SPTBN1: variants seen among roughly 807,000 people sequenced by gnomAD.
SPTBN1 encodes spectrin beta chain, non-erythrocytic 1.
SPTBN1 carries 32 observed loss-of-function variants against 266.4 expected under a neutral mutation model. That is an observed-to-expected ratio of 0.12 (90% CI 0.09 to 0.16). The LOEUF is 0.16. SPTBN1 is among the 10% of genes least tolerant of loss of function. The probability of loss-of-function intolerance (pLI) is 1.00; values close to 1 mark genes in which losing one functional copy is unlikely to be tolerated. For synonymous variants in SPTBN1, 1,336 were observed against 1,162.2 expected, an observed-to-expected ratio of 1.15 and a Z score of -3.04; for missense variants, 2,296 against 3,067.1, an observed-to-expected ratio of 0.75 and a Z score of 5.94.
rs1558491020 is a variant in SPTBN1, at chr2:54,670,646, G to C, written c.*2077G>C. 1 of 398,528 alleles carries C rather than the reference G, an allele frequency of 2.5e-6. No individual in the cohort carries two copies. The highest frequency in any genetic ancestry group is 1.3e-4 in the South Asian group (1 of 7,848). The allele number at this position is 398,528 out of a possible 1,614,324, so 24.7% of individuals were successfully genotyped here. A position where few individuals can be genotyped will look rare whatever the true frequency, so the allele number is the denominator to read the frequency against. Reference sequence around the variant, plus strand: ...TGATTAATTACAGTCTTGTACTCTTGACAAAGCTGTGCAGATGGCAATAAG... The same window carrying C: ...TGATTAATTACAGTCTTGTACTCTTCACAAAGCTGTGCAGATGGCAATAAG... On this transcript the variant is annotated 3_prime_UTR_variant, in exon 36 of 36. Coordinates refer to ENST00000356805, the MANE Select transcript of SPTBN1 (RefSeq NM_003128.3).
At chr2:54,596,376 T>A (rs1676093840) in intron 2 of SPTBN1, among the ~76,000 whole-genome samples, 1 of 152,212 alleles carries the variant, frequency 6.6e-6, no homozygotes. Flanking sequence ...TCCTTCCAAC[T>A]TCATAAGCAT....
rs765890111 is a variant in SPTBN1, at chr2:54,558,813, C to G, written c.148+32247C>G. ...CAGAGGACGTCTAGTATCTCCGGGCCGCTGTCGCCGGCGTACACGGGGCAG... is the reference window on the plus strand; with the variant it reads ...CAGAGGACGTCTAGTATCTCCGGGCGGCTGTCGCCGGCGTACACGGGGCAG... On this transcript the variant is annotated intron_variant, in intron 2 of 35. Coordinates refer to ENST00000356805, the MANE Select transcript of SPTBN1 (RefSeq NM_003128.3). This position sits in a 1 kb window ranked among gnomAD's most constrained non-coding sequence, Gnocchi z 4.6. 3 of 1,613,816 alleles carry G rather than the reference C, an allele frequency of 1.9e-6. No homozygotes were observed. The highest frequency in any genetic ancestry group is 2.5e-6 in the Non-Finnish European group (3 of 1,179,838).
rs778278569 is a variant in SPTBN1 at position 54,670,488 on chromosome 2, G to C, written c.*1919G>C. 3.1e-5 allele frequency: 12 copies of C among 391,380 alleles called. No individual in the cohort carries two copies. Among genetic ancestry groups the C allele is most frequent in the Admixed American group, 8.9e-5 (2 of 22,504 alleles). 24.2% of individuals were successfully genotyped at this position (391,380 alleles called of 1,614,324 possible). On this transcript the variant is annotated 3_prime_UTR_variant, in exon 36 of 36. Transcript: ENST00000356805. The stretch of plus-strand genomic sequence containing the variant: ...TAACTCTCTTACCTCTAGGCAAACT[G>C]AGACCTCACCATCCTCTCCCCTGCT...
intron 1 of SPTBN1, among the ~76,000 whole-genome samples, chr2:54,485,817 G>C (rs1001062545): frequency 1.3e-5 from 2 of 151,158 alleles, no homozygotes; most frequent in Non-Finnish European, 3.0e-5. Context: ...CGTCGTCTGA[G>C]ATGTGGGGAG....
chr2:54,465,618 G>A (rs2103820054), intron 1 of SPTBN1, among the ~76,000 whole-genome samples: 1 of 114,492 alleles, frequency 8.7e-6, no homozygotes, highest in South Asian at 3.0e-4. Flanking sequence ...CATATATGAT[G>A]CATACATATC....
Position 54,649,003 on chromosome 2 carries a change from G to A in SPTBN1, c.5015G>A (p.Arg1672Gln), listed in dbSNP as rs952069934. The A allele has an allele frequency of 8.1e-6, 13 of 1,611,302 alleles. No homozygotes were observed. The highest frequency in any genetic ancestry group is 5.5e-5 in the South Asian group (5 of 90,714). Residue 1672 changes from arginine to glutamine, a missense_variant, in exon 25 of 36, where the codon CGG becomes CAG. This residue lies in a region of SPTBN1 where 644 missense variants were observed against 745.3 expected (regional missense o/e 0.86). Coordinates refer to ENST00000356805, the MANE Select transcript of SPTBN1 (RefSeq NM_003128.3). This position sits in a 1 kb window ranked among gnomAD's most constrained non-coding sequence, Gnocchi z 6.7. ...TTTTTCAGTGAGCGCATTAGCATGC[G>A]GCAGTCCAAAGTGGATAAACTGTAC... is the stretch of plus-strand genomic sequence containing the variant. ...SHPESERISMRQSKVDKLYAG... is the reference protein window; with the variant it reads ...SHPESERISMQQSKVDKLYAG...
intron 2 of SPTBN1, among the ~76,000 whole-genome samples, chr2:54,552,159 A>C (rs780663033): frequency 1.3e-5 from 2 of 152,196 alleles, no homozygotes; most frequent in Non-Finnish European, 1.5e-5. Context: ...TTCCACATGA[A>C]ACGCAACATC....
intron 2 of SPTBN1, among the ~76,000 whole-genome samples, chr2:54,592,373 T>C (rs1363825226): frequency 8.1e-6 from 1 of 123,522 alleles, no homozygotes; most frequent in East Asian, 2.0e-4. Context: ...TTTCATACTT[T>C]TTTTTTTCTT....
At chr2:54,654,217 A>G (rs1332624891) in intron 27 of SPTBN1, among the ~76,000 whole-genome samples, 1 of 152,156 alleles carries the variant, frequency 6.6e-6, no homozygotes, top group Non-Finnish European at 1.5e-5. Context: ...TTGCAATGAG[A>G]TGACTTTTCT....
At chr2:54,601,327 T>C (rs1315886382) in intron 3 of SPTBN1, among the ~76,000 whole-genome samples, 1 of 152,206 alleles carries the variant, frequency 6.6e-6, no homozygotes, top group Non-Finnish European at 1.5e-5. Context: ...TTAAAGCTCT[T>C]GTTCATCTGG....
At chr2:54,570,925 A>G (rs1260249338) in intron 2 of SPTBN1, among the ~76,000 whole-genome samples, 1 of 152,114 alleles carries the variant, frequency 6.6e-6, no homozygotes, top group East Asian at 1.9e-4. Flanking sequence ...TTGAGATGTG[A>G]ATAAAGTCTA....
chr2:54,530,609 G>C (rs1331626416), intron 2 of SPTBN1, among the ~76,000 whole-genome samples: 1 of 151,800 alleles, frequency 6.6e-6, no homozygotes, highest in Non-Finnish European at 1.5e-5. Flanking sequence ...TGCCCGCCTC[G>C]GCCTCCCAAA....
rs565299322 is a variant in SPTBN1 at position 54,526,460 on chromosome 2, C to T, written c.42C>T (p.Ile14=). 2 of 1,614,084 alleles carry T rather than the reference C, an allele frequency of 1.2e-6. No individual in the cohort carries two copies. The highest frequency in any genetic ancestry group is 2.7e-5 in the African/African-American group (2 of 74,930). The change falls in exon 2 of 36, where the codon ATC becomes ATT. Residue 14 remains isoleucine, a synonymous_variant. Coordinates refer to ENST00000356805, the MANE Select transcript of SPTBN1 (RefSeq NM_003128.3). ...CCACAGACTATGACAACATTGAGAT[C>T]CAGCAGCAGTACAGTGATGTCAACA... ...TVATDYDNIE[I]QQQYSDVNNR... is the part of the protein sequence containing the mutation.
chr2:54,612,226 C>T lies in SPTBN1; in HGVS notation c.366C>T (p.Phe122=). 1 of 1,613,942 alleles carries T rather than the reference C, an allele frequency of 6.2e-7. No homozygotes were observed. ...AGAATGTGGACAAGGCCCTTCAGTT[C>T]CTGAAGGAGCAGAGAGTCCATCTTG... ...CLENVDKALQ[F]LKEQRVHLEN... is the part of the protein sequence containing the mutation. The change falls in exon 4 of 36, where the codon TTC becomes TTT. Residue 122 remains phenylalanine, a synonymous_variant. Coordinates refer to ENST00000356805, the MANE Select transcript of SPTBN1 (RefSeq NM_003128.3).
At chr2:54,632,041 C>T (rs372437225) in intron 16 of SPTBN1, among the ~76,000 whole-genome samples, 106 of 148,110 alleles carry the variant, frequency 7.2e-4, no homozygotes, top group African/African-American at 2.5e-3. Flanking sequence ...CGTGCCACTG[C>T]ACTCCAGCCT....
chr2:54,617,124 A>C (rs1677660581), intron 5 of SPTBN1, among the ~76,000 whole-genome samples: 1 of 152,258 alleles, frequency 6.6e-6, no homozygotes, highest in African/African-American at 2.4e-5. Context: ...TAAATTTTTC[A>C]GGGAGGTACT....
At chr2:54,553,668 C>T (rs1672703456) in intron 2 of SPTBN1, among the ~76,000 whole-genome samples, 1 of 152,206 alleles carries the variant, frequency 6.6e-6, no homozygotes, top group Non-Finnish European at 1.5e-5. Context: ...CTGTCCCTCC[C>T]TGTTCCCATC....
In SPTBN1 at chr2:54,507,664, C is replaced by T. The variant is rs1049051265; in HGVS notation, c.-47-18708C>T. 2.0e-5 allele frequency among the ~76,000 whole-genome samples: 3 copies of T among 151,298 alleles called. No homozygotes were observed. The South Asian group carries it at 6.3e-4, about 32-fold the overall frequency. On this transcript the variant is annotated intron_variant, in intron 1 of 35. Coordinates refer to ENST00000356805, the MANE Select transcript of SPTBN1 (RefSeq NM_003128.3). ...ACCCAGGACATCTAATTAGAGTGTC[C>T]AAGGGGGGTTAGTGTAATTACTTGC...
intron 2 of SPTBN1, chr2:54,528,125 C>T (rs1262041741): frequency 6.6e-6 from 1 of 152,614 alleles, no homozygotes; most frequent in East Asian, 1.9e-4. Context: ...TAACATGGAA[C>T]TCTATGGAGA....
Sources: allele counts gnomAD v4.1 joint callset (sites outside exome capture counted in the v4.1 genomes callset), GRCh38; gene constraint gnomAD v4.1.1; regional missense constraint gnomAD v4.1.1; non-coding constraint Gnocchi (gnomAD v3.1); transcripts MANE v1.5; gene names NCBI Gene and HGNC (gene_info 2026-07-23, HGNC 2026-07-21).